BDP1: variants seen among roughly 807,000 people sequenced by gnomAD.
BDP1 encodes the protein BDP1 general transcription factor IIIB subunit.
BDP1 carries 169 observed loss-of-function variants against 266.6 expected under a neutral mutation model. The observed-to-expected ratio is 0.63, with a 90% CI of 0.56 to 0.72. The LOEUF is 0.72. Ranked by LOEUF, BDP1 falls within the 30% of genes least tolerant of loss-of-function variation. The pLI, the probability that BDP1 is intolerant of heterozygous loss-of-function variation, is 0.00. For missense variants in BDP1, 3,015 were observed against 3,053.8 expected, an observed-to-expected ratio of 0.99 and a Z score of 0.30; for synonymous variants, 1,090 against 1,022.4, an observed-to-expected ratio of 1.07 and a Z score of -1.26.
chr5:71,545,205 C>T lies in BDP1; in HGVS notation c.6730C>T (p.Leu2244Phe). 4 of 1,613,016 alleles carry T rather than the reference C, an allele frequency of 2.5e-6. No individual in the cohort carries two copies. Among genetic ancestry groups the T allele is most frequent in the Non-Finnish European group, 3.4e-6 (4 of 1,179,792 alleles). The change falls in exon 32 of 39, where the codon CTT (leucine) becomes TTT (phenylalanine). Residue 2244 changes from leucine (L) to phenylalanine (F), a missense_variant. Coordinates refer to ENST00000358731, the MANE Select transcript of BDP1 (RefSeq NM_018429.3). The stretch of plus-strand genomic sequence containing the variant: ...CTCTAAAGGAGACAGTGTGCTTACA[C>T]TTCCTGTGCCAGAGGTAAAAGAATG... ...KDSKGDSVLT[L>F]PVPEYTPTSI...
intron 1 of BDP1, 75 bp from the exon 2 acceptor site, chr5:71,458,504 C>G (rs1251554979): frequency 1.4e-5 from 16 of 1,119,568 alleles, no homozygotes; most frequent in Non-Finnish European, 2.0e-5. Context: ...TGGATTTTCA[C>G]CAGACTAGGT....
In BDP1 at chr5:71,509,554, G is replaced by T. The variant is rs773127544; in HGVS notation, c.2462G>T (p.Gly821Val). ...FQKPKPNIGRGTGRREISSKE... is the reference protein window; with the variant it reads ...FQKPKPNIGRVTGRREISSKE... ...AAACCAAAGCCAAATATAGGAAGAG[G>T]AACTGGAAGGAGAGAAATTTCCTCA... Residue 821 changes from glycine (G) to valine (V), a missense_variant, in exon 17 of 39, where the codon GGA becomes GTA. Gly to Val is a moderately radical substitution (Grantham distance 109). Coordinates refer to ENST00000358731, the MANE Select transcript of BDP1 (RefSeq NM_018429.3). 1 of 1,613,248 alleles carries T rather than the reference G, an allele frequency of 6.2e-7. No homozygotes were observed. The highest frequency in any genetic ancestry group is 8.5e-7 in the Non-Finnish European group (1 of 1,179,872).
chr5:71,467,209 G>A, intron 5 of BDP1, 145 bp from the exon 6 acceptor site: 1 of 654,594 alleles, frequency 1.5e-6, no homozygotes, highest in Non-Finnish European at 2.5e-6. Context: ...GCAGATGCTT[G>A]GAAAATACCC....
At chr5:71,457,148 C>T (rs891285411) in intron 1 of BDP1, among the ~76,000 whole-genome samples, 1 of 151,546 alleles carries the variant, frequency 6.6e-6, no homozygotes. Flanking sequence ...TGTGTGAGTG[C>T]GTGATGGTTG....
chr5:71,560,742 T>C (rs1328774764), intron 37 of BDP1, among the ~76,000 whole-genome samples: 3 of 152,324 alleles, frequency 2.0e-5, no homozygotes, highest in African/African-American at 7.2e-5. Context: ...TCAATAATTA[T>C]TGGCTTGTCA....
intron 25 of BDP1, among the ~76,000 whole-genome samples, chr5:71,525,793 C>T (rs1269331995): frequency 1.3e-5 from 2 of 152,124 alleles, no homozygotes; most frequent in Admixed American, 6.5e-5. Flanking sequence ...TCCTCACTTC[C>T]CAGACGGGGT....
rs1406065521 is a variant in BDP1, at chr5:71,545,236, TATA to T, written c.6744+22_6744+24del. 5 of 1,600,268 alleles carry T rather than the reference TATA, an allele frequency of 3.1e-6. No homozygotes were observed. Among genetic ancestry groups the T allele is most frequent in the Non-Finnish European group, 4.3e-6 (5 of 1,174,354 alleles). The stretch of plus-strand genomic sequence containing the variant: ...GTGCCAGAGGTAAAAGAATGTACAG[TATA>T]ATAAGGGATAGCAAGGTGTTTTCCT... On this transcript the variant is annotated intron_variant, in intron 32 of 38. Transcript: ENST00000358731.
chr5:71,576,375 T>C, the BDP1 span, among the ~76,000 whole-genome samples: 1 of 152,252 alleles, frequency 6.6e-6, no homozygotes, highest in African/African-American at 2.4e-5. Context: ...GGACTTCCTT[T>C]GTGTGTCACC....
At chr5:71,571,853 C>G (rs1183114543), downstream of BDP1, among the ~76,000 whole-genome samples, 1 of 152,104 alleles carries the variant, frequency 6.6e-6, no homozygotes, top group Non-Finnish European at 1.5e-5. Context: ...AACTCCTGAC[C>G]TCAGCAGGTC....
chr5:71,523,211 G>A (rs1267195655), intron 24 of BDP1, among the ~76,000 whole-genome samples: 1 of 152,182 alleles, frequency 6.6e-6, no homozygotes, highest in Non-Finnish European at 1.5e-5. Context: ...AACCAGCACT[G>A]CTCTAGTGGA....
At chr5:71,467,274 A>G (rs1335669668) in intron 5 of BDP1, 80 bp from the exon 6 acceptor site, 6 of 1,218,454 alleles carry the variant, frequency 4.9e-6, no homozygotes, top group African/African-American at 3.1e-5. Flanking sequence ...CTAAACCTCA[A>G]AATATAACTA....
At chr5:71,470,541 A>G in intron 7 of BDP1, 52 bp downstream of exon 7, 9 of 1,179,218 alleles carry the variant, frequency 7.6e-6, no homozygotes, top group Middle Eastern at 2.0e-4. Context: ...AACATTACAA[A>G]TGTTAGTAGT....
rs140525849 is a variant in BDP1 at position 71,457,361 on chromosome 5, G to A, written c.213-1218G>A. Among the ~76,000 whole-genome samples, 289 of 140,196 alleles carry A rather than the reference G, an allele frequency of 2.1e-3. 1 individual carries two copies. Among genetic ancestry groups the A allele is most frequent in the African/African-American group, 7.1e-3 (265 of 37,330 alleles). The allele number at this position is 140,196 out of a possible 152,430, so 92.0% of individuals were successfully genotyped here. On this transcript the variant is annotated intron_variant, in intron 1 of 38. Coordinates refer to ENST00000358731, the MANE Select transcript of BDP1 (RefSeq NM_018429.3). ...TTTTTAGATGGAGTCTTGCTCTGTC[G>A]CCCAGGCTGAAGTGCAGTGGTACGG...
rs1764847511 is a variant in BDP1 at position 71,510,459 on chromosome 5, AG to A, written c.3370del (p.Glu1124ArgfsTer11). 4 of 1,613,580 alleles carry A rather than the reference AG, an allele frequency of 2.5e-6. No individual in the cohort carries two copies. The highest frequency in any genetic ancestry group is 3.4e-6 in the Non-Finnish European group (4 of 1,179,888). On this transcript the variant is annotated frameshift_variant, in exon 17 of 39. Transcript: ENST00000358731. LOFTEE classifies it high-confidence loss of function. ...GCAAACAGATTTGAAAGCAACCGGA[AG>A]GGAGATTTCCCCAAGGGAGAAGACA... Reference protein sequence around the residue: ...EMQTDLKATGREISPREKTPE... With the variant: ...EMQTDLKATGXEISPREKTPE...
Position 71,548,300 on chromosome 5 carries a change from G to T in BDP1, c.6745-382G>T, listed in dbSNP as rs182577720. ...GCATTTTAGAAAAACCATGTTTGTG[G>T]TTTTTTGGAAAACAGGAGGGAACCA... On this transcript the variant is annotated intron_variant, in intron 32 of 38. Coordinates refer to ENST00000358731, the MANE Select transcript of BDP1 (RefSeq NM_018429.3). 1.8e-3 allele frequency among the ~76,000 whole-genome samples: 275 copies of T among 152,208 alleles called. 1 individual carries two copies. The highest frequency in any genetic ancestry group is 3.5e-3 in the Non-Finnish European group (237 of 68,016).
Position 71,497,402 on chromosome 5 carries a change from A to T in BDP1, c.1932A>T (p.Ser644=), listed in dbSNP as rs1271400796. The T allele has an allele frequency of 1.1e-5, 18 of 1,613,220 alleles. No individual in the cohort carries two copies. Among genetic ancestry groups the T allele is most frequent in the Non-Finnish European group, 1.4e-5 (17 of 1,179,708 alleles). ...AAACAGAGTCAGAGAGCAAGAATTC[A>T]CATTCAAAAACTTCAGTTGAAAAGG... ...QGKTESESKN[S]HSKTSVEKNH... The change falls in exon 13 of 39, where the codon TCA becomes TCT. Residue 644 remains serine (S), a synonymous_variant. Coordinates refer to ENST00000358731, the MANE Select transcript of BDP1 (RefSeq NM_018429.3).
chr5:71,504,841 G>T, intron 16 of BDP1, 90 bp downstream of exon 16: 1 of 1,249,022 alleles, frequency 8.0e-7, no homozygotes, highest in Non-Finnish European at 1.1e-6. Flanking sequence ...CAATTTAGAT[G>T]GATTTGTTGT....
chr5:71,524,861 ATC>A (rs1765703382), intron 25 of BDP1, among the ~76,000 whole-genome samples: 1 of 150,548 alleles, frequency 6.6e-6, no homozygotes, highest in African/African-American at 2.5e-5. Flanking sequence ...GCCTTCAAGC[ATC>A]TGTTTAACAA....
intron 9 of BDP1, 100 bp from the exon 10 acceptor site, chr5:71,489,304 C>T (rs1763446023): frequency 1.3e-6 from 1 of 792,446 alleles, no homozygotes; most frequent in Non-Finnish European, 1.9e-6. Context: ...TTTGTTCATA[C>T]AAATAAATAA....
Sources: gnomAD v4.1 joint callset for allele counts (sites outside exome capture counted in the v4.1 genomes callset) on GRCh38, gnomAD v4.1.1 for gene constraint, MANE v1.5 for transcripts, NCBI Gene and HGNC (gene_info 2026-07-23, HGNC 2026-07-21) for gene names.